The following DNAH14 variants were observed in gnomAD, a reference collection of about 807,000 sequenced individuals.
DNAH14 encodes axonemal beta dynein heavy chain 14.
A neutral mutation model predicts 520.9 loss-of-function variants in DNAH14; 478 were observed. The observed-to-expected ratio is 0.92, with a 90% CI of 0.85 to 0.99. The LOEUF (loss-of-function observed/expected upper bound fraction) is 0.99, where lower values mean the gene tolerates loss of function less well. Among genes scored for constraint, DNAH14 ranks in the 50% least tolerant of loss-of-function variants. The probability of loss-of-function intolerance (pLI) is 0.00; values close to 1 mark genes in which losing one functional copy is unlikely to be tolerated. For missense variants in DNAH14, 4,831 were observed against 5,234.5 expected, an observed-to-expected ratio of 0.92 and a Z score of 2.38; for synonymous variants, 1,581 against 1,757.2, an observed-to-expected ratio of 0.90 and a Z score of 2.51.
intron 55 of DNAH14, among the ~76,000 whole-genome samples, chr1:225,297,630 C>A (rs2094038793): frequency 6.6e-6 from 1 of 152,052 alleles, no homozygotes; most frequent in Non-Finnish European, 1.5e-5. Flanking sequence ...CAGTTGTAAT[C>A]CATGCTGGTG....
intron 61 of DNAH14, 142 bp downstream of exon 61, chr1:225,318,819 T>A (rs184105980): frequency 1.3e-6 from 1 of 796,014 alleles, no homozygotes; most frequent in East Asian, 2.7e-5. Flanking sequence ...TTTTTACCCA[T>A]CTTGGTTACT....
At chr1:224,987,136 C>T (rs1230228618) in intron 8 of DNAH14, among the ~76,000 whole-genome samples, 2 of 151,760 alleles carry the variant, frequency 1.3e-5, no homozygotes, top group Non-Finnish European at 2.9e-5. Flanking sequence ...GAGACAGAGA[C>T]AGAGACAGAG....
intron 32 of DNAH14, 103 bp downstream of exon 32, chr1:225,152,176 C>A: frequency 1.0e-6 from 1 of 971,596 alleles, no homozygotes; most frequent in Non-Finnish European, 1.5e-6. Flanking sequence ...ATCCATATAT[C>A]TGTCTCCACC....
intron 38 of DNAH14, among the ~76,000 whole-genome samples, chr1:225,197,451 G>A (rs1335735412): frequency 2.6e-5 from 4 of 152,130 alleles, no homozygotes; most frequent in Admixed American, 6.5e-5. Flanking sequence ...TGGCCTTATA[G>A]TATAGCCTGA....
chr1:225,167,932 C>T lies in DNAH14; in HGVS notation c.5446-7C>T. 1.4e-6 allele frequency: 2 copies of T among 1,445,974 alleles called. No individual in the cohort carries two copies. The highest frequency in any genetic ancestry group is 1.4e-5 in the South Asian group (1 of 72,086). 89.6% of individuals were successfully genotyped at this position (1,445,974 alleles called of 1,614,324 possible). A position where few individuals can be genotyped will look rare whatever the true frequency, so the allele number is the denominator to read the frequency against. ...CATTTTAAATTTATGTATTTATTTC[C>T]TTTTAGAAAGTAATATATACTGCAA... On this transcript the variant is annotated splice_polypyrimidine_tract_variant and splice_region_variant and intron_variant, in intron 35 of 85. Transcript: ENST00000682510.
At position 225,119,228 on chromosome 1, in the gene DNAH14, G is replaced by T. The variant is rs372412698; in HGVS notation, c.4100G>T (p.Arg1367Leu). 8 of 1,517,038 alleles carry T rather than the reference G, an allele frequency of 5.3e-6. No homozygotes were observed. The highest frequency in any genetic ancestry group is 6.2e-6 in the Non-Finnish European group (7 of 1,131,884). The allele number at this position is 1,517,038 out of a possible 1,614,324, so 94.0% of individuals were successfully genotyped here. A position where few individuals can be genotyped will look rare whatever the true frequency, so the allele number is the denominator to read the frequency against. Residue 1367 changes from arginine (R) to leucine (L), a missense_variant, in exon 26 of 86, where the codon CGT (arginine) becomes CTT (leucine). By Grantham distance (102) the Arg-to-Leu change is moderately radical. Transcript: ENST00000682510. The stretch of plus-strand genomic sequence containing the variant: ...TTTGAAACTAATTTTAGGAAAATTC[G>T]TGTAAGAAGTGCTGTAGAACAGTGG... Reference protein sequence around the residue: ...GEGLVLPKKIRVRSAVEQWLV... With the variant: ...GEGLVLPKKILVRSAVEQWLV...
chr1:225,096,133 T>TTTGTTGTTG (rs59833560), intron 21 of DNAH14, among the ~76,000 whole-genome samples: 2 of 150,602 alleles, frequency 1.3e-5, no homozygotes, highest in East Asian at 3.9e-4. Flanking sequence ...GCCTGACTAA[T>TTTGTTGTTG]TTGTTGTTGT....
chr1:225,107,802 T>G (rs2076194516), intron 23 of DNAH14, among the ~76,000 whole-genome samples: 2 of 152,206 alleles, frequency 1.3e-5, no homozygotes, highest in Non-Finnish European at 2.9e-5. Flanking sequence ...TTGCCAACAT[T>G]TGTTATTGCC....
At chr1:225,392,576 A>G in intron 84 of DNAH14, 125 bp downstream of exon 84, 1 of 1,166,598 alleles carries the variant, frequency 8.6e-7, no homozygotes, top group Non-Finnish European at 1.2e-6. Context: ...AGACAGGCAG[A>G]TCAACAAGCC....
intron 75 of DNAH14, among the ~76,000 whole-genome samples, chr1:225,362,396 G>GA (rs1473040585): frequency 6.6e-6 from 1 of 152,042 alleles, no homozygotes; most frequent in African/African-American, 2.4e-5. Context: ...CCAACATGGT[G>GA]AAACCCCGTC....
intron 10 of DNAH14, among the ~76,000 whole-genome samples, chr1:225,017,759 A>G (rs2065330482): frequency 6.6e-6 from 1 of 152,238 alleles, no homozygotes; most frequent in Non-Finnish European, 1.5e-5. Flanking sequence ...CTATGGGCCC[A>G]GTCCTAGCCA....
At chr1:225,328,037 T>G (rs1339147814) in intron 64 of DNAH14, among the ~76,000 whole-genome samples, 1 of 152,166 alleles carries the variant, frequency 6.6e-6, no homozygotes, top group Non-Finnish European at 1.5e-5. Flanking sequence ...AAAACCTATT[T>G]AATAAAATAG....
intron 20 of DNAH14, among the ~76,000 whole-genome samples, chr1:225,083,671 T>C (rs2073399929): frequency 6.6e-6 from 1 of 152,158 alleles, no homozygotes; most frequent in Non-Finnish European, 1.5e-5. Context: ...CATGAAATAA[T>C]TCTGAATCTT....
chr1:225,025,833 C>A (rs1166903881), intron 11 of DNAH14, among the ~76,000 whole-genome samples: 1 of 152,076 alleles, frequency 6.6e-6, no homozygotes, highest in Non-Finnish European at 1.5e-5. Context: ...AAGCATCAAT[C>A]ATTGTTGAAT....
chr1:225,267,338 A>AGG (rs1296031908), intron 49 of DNAH14, among the ~76,000 whole-genome samples: 1 of 148,922 alleles, frequency 6.7e-6, no homozygotes, highest in African/African-American at 2.5e-5. Flanking sequence ...TCTGTCACCA[A>AGG]GCTGGAGTGC....
intron 1 of DNAH14, among the ~76,000 whole-genome samples, chr1:224,941,588 C>G (rs1265426280): frequency 4.6e-5 from 7 of 151,942 alleles, no homozygotes; most frequent in African/African-American, 1.4e-4. Context: ...ACATGAAGCC[C>G]TATGTCCTGA....
chr1:225,312,580 T>G (rs1214070966), intron 60 of DNAH14, among the ~76,000 whole-genome samples: 2 of 152,180 alleles, frequency 1.3e-5, no homozygotes, highest in Non-Finnish European at 2.9e-5. Flanking sequence ...TGGCTGTAGG[T>G]TTGTCATAAA....
chr1:225,153,985 A>G (rs16844377), intron 34 of DNAH14, among the ~76,000 whole-genome samples, 159 bp downstream of exon 34: 16,955 of 151,988 alleles, frequency 0.11, 1,475 homozygotes, highest in East Asian at 0.23. Flanking sequence ...AAAGAAGAGT[A>G]AGAAAAAATG....
intron 46 of DNAH14, among the ~76,000 whole-genome samples, chr1:225,263,987 GT>G (rs1308345862): frequency 1.3e-5 from 2 of 151,968 alleles, no homozygotes; most frequent in East Asian, 3.9e-4. Flanking sequence ...TGCCCAGTTT[GT>G]TTTATAAAGT....
Sources: gnomAD v4.1 joint callset for allele counts (sites outside exome capture counted in the v4.1 genomes callset) on GRCh38, gnomAD v4.1.1 for gene constraint, MANE v1.5 for transcripts, NCBI Gene and HGNC (gene_info 2026-07-23, HGNC 2026-07-21) for gene names.